IL1RAP: variants seen among roughly 807,000 people sequenced by gnomAD.
IL1RAP encodes the protein interleukin-1 receptor accessory protein.
A neutral mutation model predicts 60.7 loss-of-function variants in IL1RAP; 35 were observed. The ratio of observed to expected loss-of-function variants is 0.58; its 90% CI spans 0.44 to 0.76. The LOEUF (loss-of-function observed/expected upper bound fraction) is 0.76, where lower values mean the gene tolerates loss of function less well. IL1RAP is among the 30% of genes least tolerant of loss of function. The pLI is 0.00. For synonymous variants in IL1RAP, 268 were observed against 250.9 expected, an observed-to-expected ratio of 1.07 and a Z score of -0.64; for missense variants, 572 against 693.9, an observed-to-expected ratio of 0.82 and a Z score of 1.97.
chr3:190,535,079 G>C (rs1002749941), intron 1 of IL1RAP, among the ~76,000 whole-genome samples: 4 of 152,104 alleles, frequency 2.6e-5, no homozygotes, highest in African/African-American at 9.7e-5. Context: ...TGGATTTCCT[G>C]TATTTGCCTA....
chr3:190,628,429 G>A (rs6444443), intron 8 of IL1RAP, among the ~76,000 whole-genome samples: 136,976 of 152,300 alleles, frequency 0.9, 61,809 homozygotes, highest in East Asian at 1. Flanking sequence ...TAGCAGTGGC[G>A]TTAAGCTTAA....
intron 5 of IL1RAP, among the ~76,000 whole-genome samples, chr3:190,609,773 G>C (rs1730661793): frequency 6.6e-6 from 1 of 152,132 alleles, no homozygotes; most frequent in Non-Finnish European, 1.5e-5. Flanking sequence ...TCAGTGACTA[G>C]TTATCCATAG....
intron 5 of IL1RAP, among the ~76,000 whole-genome samples, chr3:190,618,959 C>G (rs548936816): frequency 2.0e-5 from 3 of 152,260 alleles, no homozygotes; most frequent in Non-Finnish European, 1.5e-5. Context: ...TTTCAAAGTA[C>G]ATGCTCCAGG....
intron 3 of IL1RAP, among the ~76,000 whole-genome samples, chr3:190,602,029 G>A (rs1489510550): frequency 6.6e-6 from 1 of 152,156 alleles, no homozygotes; most frequent in African/African-American, 2.4e-5. Context: ...TTTGATGGCT[G>A]GTGAGATAGA....
At chr3:190,656,616 TGTGGTGG>T in exon 12 of IL1RAP, 1 of 1,459,904 alleles carries the variant, frequency 6.8e-7, no homozygotes, top group Non-Finnish European at 9.1e-7. Context: ...AATTACTGTG[TGTGGTGG>T]GTGGTGGCTA....
chr3:190,613,420 T>C (rs374748542), intron 5 of IL1RAP, among the ~76,000 whole-genome samples: 154 of 152,202 alleles, frequency 1.0e-3, no homozygotes, highest in African/African-American at 3.7e-3. Flanking sequence ...AAATCAGAGC[T>C]AAAGACAGAA....
intron 10 of IL1RAP, among the ~76,000 whole-genome samples, chr3:190,644,805 G>A (rs1429683180): frequency 6.6e-6 from 1 of 152,132 alleles, no homozygotes; most frequent in African/African-American, 2.4e-5. Flanking sequence ...TACTAAAAAT[G>A]TTCAAAATGT....
At chr3:190,584,998 C>A (rs9863997) in intron 3 of IL1RAP, among the ~76,000 whole-genome samples, 39,588 of 151,954 alleles carry the variant, frequency 0.26, 6,307 homozygotes, top group Non-Finnish European at 0.36. Context: ...ATATTTATAA[C>A]CCACGAAATA....
intron 3 of IL1RAP, among the ~76,000 whole-genome samples, chr3:190,585,778 C>G (rs1293345113): frequency 6.6e-6 from 1 of 151,750 alleles, no homozygotes; most frequent in African/African-American, 2.4e-5. Flanking sequence ...CATCACTGCA[C>G]TCCAGCCTGG....
At chr3:190,592,560 C>T (rs1729033469) in intron 3 of IL1RAP, among the ~76,000 whole-genome samples, 1 of 152,156 alleles carries the variant, frequency 6.6e-6, no homozygotes, top group Non-Finnish European at 1.5e-5. Context: ...CTAGAAAACC[C>T]AGGGTTTTTA....
At chr3:190,522,316 TCCTTCCTTCCTTCCTTCCTTCCTTCCTC>T (rs1244610740) in intron 1 of IL1RAP, among the ~76,000 whole-genome samples, 21 of 133,210 alleles carry the variant, frequency 1.6e-4, no homozygotes, top group Admixed American at 1.5e-3. Context: ...CTTCCTTCCT[TCCTTCCTTCCTTCCTTCCTTCCTTCCTC>T]CCTCCCTCCC....
intron 9 of IL1RAP, among the ~76,000 whole-genome samples, chr3:190,634,966 A>C (rs201228880): frequency 5.3e-5 from 8 of 152,084 alleles, no homozygotes; most frequent in African/African-American, 1.2e-4. Context: ...CCGCCCGCCT[A>C]GGCCTCCCAA....
chr3:190,644,037 C>T, intron 9 of IL1RAP: 1 of 646,130 alleles, frequency 1.5e-6, no homozygotes, highest in Non-Finnish European at 1.9e-6. Context: ...ATAAAAAACA[C>T]CTTCTATGCC....
intron 1 of IL1RAP, among the ~76,000 whole-genome samples, chr3:190,549,944 G>T (rs1343616076): frequency 6.6e-6 from 1 of 152,172 alleles, no homozygotes; most frequent in East Asian, 1.9e-4. Flanking sequence ...AGAAAGAGGG[G>T]AGCAGGCATC....
rs889365411 is a variant in IL1RAP at position 190,651,034 on chromosome 3, A to G, written c.*2329A>G. ...CTGTAATATAAAGCATATCAAGTTT[A>G]TGTGATACGTATCATTGCAAGAGAA... On this transcript the variant is annotated 3_prime_UTR_variant, in exon 12 of 12. Coordinates refer to ENST00000447382, the MANE Select transcript of IL1RAP (RefSeq NM_002182.4). 1 of 984,494 alleles carries G rather than the reference A, an allele frequency of 1.0e-6. No homozygotes were observed. Among genetic ancestry groups the G allele is most frequent in the Non-Finnish European group, 1.2e-6 (1 of 829,096 alleles). 61.0% of individuals were successfully genotyped at this position (984,494 alleles called of 1,614,324 possible).
At chr3:190,601,821 G>T (rs952799201) in intron 3 of IL1RAP, among the ~76,000 whole-genome samples, 3 of 151,906 alleles carry the variant, frequency 2.0e-5, no homozygotes, top group Non-Finnish European at 2.9e-5. Flanking sequence ...TGGGCCAGCT[G>T]CCAGCTGGGG....
At chr3:190,548,307 T>A (rs1029724799) in intron 1 of IL1RAP, among the ~76,000 whole-genome samples, 2 of 152,204 alleles carry the variant, frequency 1.3e-5, no homozygotes, top group African/African-American at 4.8e-5. Context: ...TGTCTCATAT[T>A]TGTATCATAT....
At chr3:190,609,325 C>G in intron 5 of IL1RAP, 144 bp downstream of exon 5, 2 of 556,914 alleles carry the variant, frequency 3.6e-6, no homozygotes, top group Non-Finnish European at 6.0e-6. Flanking sequence ...AGTATTTCAG[C>G]ACGTCCTCAT....
In IL1RAP at chr3:190,620,383, T is replaced by C; in HGVS notation, c.646T>C (p.Tyr216His). Residue 216 changes from tyrosine to histidine, a missense_variant, in exon 6 of 12, where the codon TAT (tyrosine) becomes CAT (histidine). By Grantham distance (83) the Tyr-to-His change is moderately conservative. Transcript: ENST00000447382. ...NNGNYTCVVT[Y>H]PENGRTFHLT... Reference sequence around the variant, plus strand: ...TGGAAATTACACATGTGTTGTTACATATCCAGAAAATGGACGTACGTTTCA... The same window carrying C: ...TGGAAATTACACATGTGTTGTTACACATCCAGAAAATGGACGTACGTTTCA... The C allele has an allele frequency of 3.1e-6, 5 of 1,612,886 alleles. No individual in the cohort carries two copies. Among genetic ancestry groups the C allele is most frequent in the Non-Finnish European group, 4.2e-6 (5 of 1,179,546 alleles).
Sources: gnomAD v4.1 joint callset for allele counts (sites outside exome capture counted in the v4.1 genomes callset) on GRCh38, gnomAD v4.1.1 for gene constraint, MANE v1.5 for transcripts, NCBI Gene and HGNC (gene_info 2026-07-23, HGNC 2026-07-21) for gene names.